PSMA6: variants seen among roughly 807,000 people sequenced by gnomAD.
The protein encoded by PSMA6 is proteasome 20S subunit alpha 6, also known as proteasome subunit alpha type-6.
For missense variants in PSMA6, 170 were observed against 294.8 expected (o/e 0.58, Z 3.10); for synonymous variants, 88 against 97.7 (o/e 0.90, Z 0.59).
intron 1 of PSMA6, among the ~76,000 whole-genome samples, chr14:35,299,031 G>T (rs917766681): frequency 6.6e-6 from 1 of 150,384 alleles, no homozygotes; most frequent in East Asian, 2.0e-4. Flanking sequence ...ACTGCGTCCA[G>T]CTATTTATTT....
chr14:35,283,870 C>T (rs922937838), intron 1 of PSMA6, among the ~76,000 whole-genome samples: 1 of 152,272 alleles, frequency 6.6e-6, no homozygotes, highest in East Asian at 1.9e-4. Flanking sequence ...CCATGTCCAG[C>T]CTTTACAAAT....
intron 1 of PSMA6, among the ~76,000 whole-genome samples, chr14:35,294,939 G>A (rs774380740): frequency 1.3e-5 from 2 of 152,122 alleles, no homozygotes; most frequent in African/African-American, 4.8e-5. Flanking sequence ...ATGATGAGGG[G>A]AGATTAATGG....
At position 35,292,542 on chromosome 14, in the gene PSMA6, C is replaced by T; in HGVS notation, c.66C>T (p.Leu22=). 1 of 1,613,758 alleles carries T rather than the reference C, an allele frequency of 6.2e-7. No individual in the cohort carries two copies. The highest frequency in any genetic ancestry group is 8.5e-7 in the Non-Finnish European group (1 of 1,179,724). ...CCATTTTTTCACCCGAGGGTCGGCT[C>T]TACCAAGTAGGTGAGTGAACCAGGT... is the stretch of plus-strand genomic sequence containing the variant. ...HITIFSPEGR[L]YQVEYAFKAI... Residue 22 remains leucine, a synonymous_variant, in exon 1 of 7, where the codon CTC becomes CTT. Transcript: ENST00000261479.
chr14:35,279,343 G>A (rs746656991), intron 1 of PSMA6, among the ~76,000 whole-genome samples: 3 of 151,928 alleles, frequency 2.0e-5, no homozygotes, highest in East Asian at 1.9e-4. Flanking sequence ...CACTGCACTC[G>A]GCCTCATGTA....
At chr14:35,307,563 G>A (rs771870077) in intron 1 of PSMA6, among the ~76,000 whole-genome samples, 8 of 152,126 alleles carry the variant, frequency 5.3e-5, no homozygotes, top group South Asian at 2.1e-4. Flanking sequence ...GCGAAACCCC[G>A]TCTCTAGTAA....
In PSMA6 at chr14:35,292,465, G is replaced by C; in HGVS notation, c.-12G>C. The C allele has an allele frequency of 5.0e-6, 8 of 1,612,908 alleles. No homozygotes were observed. Among genetic ancestry groups the C allele is most frequent in the Non-Finnish European group, 5.9e-6 (7 of 1,179,436 alleles). On this transcript the variant is annotated 5_prime_UTR_variant, in exon 1 of 7. Transcript: ENST00000261479. ...GCCCAGGGATTGTGTTTAAAGTAGT[G>C]CTTCTACCAACATGTCCCGTGGTTC... is the stretch of plus-strand genomic sequence containing the variant.
intron 1 of PSMA6, among the ~76,000 whole-genome samples, chr14:35,294,443 A>C (rs1594378294): frequency 6.6e-6 from 1 of 152,254 alleles, no homozygotes. Flanking sequence ...ATGAGCAAGC[A>C]GTATAGTGAA....
chr14:35,282,982 A>G (rs1156705786), intron 1 of PSMA6, among the ~76,000 whole-genome samples: 2 of 151,930 alleles, frequency 1.3e-5, no homozygotes, highest in Non-Finnish European at 2.9e-5. Context: ...AGCTGGGACT[A>G]CAGGCGTGCA....
upstream of PSMA6, among the ~76,000 whole-genome samples, chr14:35,288,867 A>C (rs2051447851): frequency 6.6e-6 from 1 of 152,268 alleles, no homozygotes; most frequent in Admixed American, 6.5e-5. Flanking sequence ...AAGCTTGTCC[A>C]ACCCATGACC....
intron 4 of PSMA6, among the ~76,000 whole-genome samples, chr14:35,311,860 T>C (rs150664898): frequency 2.1e-4 from 32 of 152,260 alleles, no homozygotes; most frequent in African/African-American, 7.0e-4. Flanking sequence ...AGCCTGTAAG[T>C]GTATTTCAGT....
At chr14:35,288,148 G>T (rs1312131899), upstream of PSMA6, among the ~76,000 whole-genome samples, 1 of 152,150 alleles carries the variant, frequency 6.6e-6, no homozygotes, top group Non-Finnish European at 1.5e-5. Context: ...CAAATGATTG[G>T]AGTGCTTACC....
At chr14:35,299,747 C>A (rs952604988) in intron 1 of PSMA6, among the ~76,000 whole-genome samples, 1 of 152,140 alleles carries the variant, frequency 6.6e-6, no homozygotes, top group Non-Finnish European at 1.5e-5. Flanking sequence ...TGTCTAAATT[C>A]TTTGCTCTGG....
intron 1 of PSMA6, among the ~76,000 whole-genome samples, chr14:35,297,457 C>T (rs1225419354): frequency 1.3e-5 from 2 of 151,952 alleles, no homozygotes; most frequent in African/African-American, 2.4e-5. Flanking sequence ...CCTCGTGATC[C>T]GCCTGCCTCG....
At chr14:35,289,377 T>G (rs1266853134), upstream of PSMA6, among the ~76,000 whole-genome samples, 1 of 152,040 alleles carries the variant, frequency 6.6e-6, no homozygotes, top group Non-Finnish European at 1.5e-5. Context: ...TTGCCCAGAC[T>G]GGAGTGCAGT....
At chr14:35,296,440 C>G (rs1465930369) in intron 1 of PSMA6, among the ~76,000 whole-genome samples, 1 of 152,126 alleles carries the variant, frequency 6.6e-6, no homozygotes, top group African/African-American at 2.4e-5. Context: ...AAGTGATTCT[C>G]CTGCCTCAGC....
chr14:35,292,261 A>G, upstream of PSMA6: 1 of 1,354,796 alleles, frequency 7.4e-7, no homozygotes, highest in Non-Finnish European at 9.5e-7. Context: ...ATACCTTCAA[A>G]GGCCTCCCGC....
Position 35,317,175 on chromosome 14 carries a change from T to C in PSMA6, c.684-74T>C, listed in dbSNP as rs1056895054. ...TTGATAGGTATATGGGAGTTTATTA[T>C]ACTATCCCACTTTTACGTGTGTTTG... On this transcript the variant is annotated intron_variant, in intron 6 of 6. Coordinates refer to ENST00000261479, the MANE Select transcript of PSMA6 (RefSeq NM_002791.3). 4 of 1,156,512 alleles carry C rather than the reference T, an allele frequency of 3.5e-6. No individual in the cohort carries two copies. The African/African-American group carries it at 4.6e-5, about 13-fold the overall frequency. The allele number at this position is 1,156,512 out of a possible 1,614,324, so 71.6% of individuals were successfully genotyped here. A position where few individuals can be genotyped will look rare whatever the true frequency, so the allele number is the denominator to read the frequency against.
At chr14:35,301,868 C>G (rs898693381) in intron 1 of PSMA6, among the ~76,000 whole-genome samples, 1 of 152,154 alleles carries the variant, frequency 6.6e-6, no homozygotes, top group East Asian at 1.9e-4. Context: ...ATGACAGACA[C>G]AAATGCTTAC....
chr14:35,291,760 T>C (rs1594376136), upstream of PSMA6, among the ~76,000 whole-genome samples: 1 of 141,266 alleles, frequency 7.1e-6, no homozygotes, highest in African/African-American at 2.7e-5. Context: ...GAGGGGGAGG[T>C]TGCAGTCAGC....
Sources: gnomAD v4.1 joint callset for allele counts (sites outside exome capture counted in the v4.1 genomes callset) on GRCh38, gnomAD v4.1.1 for gene constraint, MANE v1.5 for transcripts, NCBI Gene and HGNC (gene_info 2026-07-23, HGNC 2026-07-21) for gene names.